Variants in NBEAL1 observed in about 807,000 individuals in gnomAD.
NBEAL1 encodes the protein neurobeachin-like protein 1.
Under a neutral mutation model 351.3 loss-of-function variants are expected in NBEAL1, and 273 were observed. That is an observed-to-expected ratio of 0.78 (90% CI 0.70 to 0.86). The LOEUF (loss-of-function observed/expected upper bound fraction) is 0.86, where lower values mean the gene tolerates loss of function less well. Ranked by LOEUF, NBEAL1 falls within the 40% of genes least tolerant of loss-of-function variation. The pLI, the probability that NBEAL1 is intolerant of heterozygous loss-of-function variation, is 0.00. For missense variants in NBEAL1, 2,961 were observed against 3,201.3 expected, an observed-to-expected ratio of 0.92 and a Z score of 1.81; for synonymous variants, 1,050 against 1,086.4, an observed-to-expected ratio of 0.97 and a Z score of 0.66.
chr2:203,018,943 T>A (rs77073634), intron 2 of NBEAL1, among the ~76,000 whole-genome samples: 5,380 of 152,272 alleles, frequency 0.035, 304 homozygotes, highest in African/African-American at 0.12. Flanking sequence ...ATATTCGTAT[T>A]TTCCCACTGT....
At chr2:203,108,259 A>G in intron 14 of NBEAL1, 71 bp downstream of exon 14, 1 of 1,203,332 alleles carries the variant, frequency 8.3e-7, no homozygotes, top group Admixed American at 2.7e-5. Flanking sequence ...TTAAACAGGA[A>G]AACTGTTTCC....
At chr2:203,039,160 T>A (rs1181667763) in intron 2 of NBEAL1, among the ~76,000 whole-genome samples, 2 of 148,130 alleles carry the variant, frequency 1.4e-5, no homozygotes, top group African/African-American at 4.9e-5. Flanking sequence ...TGTCTTGTCT[T>A]GTCCTGTCTT....
At chr2:203,110,317 A>G in intron 15 of NBEAL1, 35 bp downstream of exon 15, 2 of 1,519,304 alleles carry the variant, frequency 1.3e-6, no homozygotes, top group Non-Finnish European at 1.8e-6. Flanking sequence ...AACTTCTAGT[A>G]TGGTTAATGG....
intron 55 of NBEAL1, among the ~76,000 whole-genome samples, chr2:203,214,379 G>A (rs1356816010): frequency 6.6e-6 from 1 of 152,136 alleles, no homozygotes; most frequent in Non-Finnish European, 1.5e-5. Flanking sequence ...ATAATAACCT[G>A]TTAAAGATCG....
intron 6 of NBEAL1, among the ~76,000 whole-genome samples, chr2:203,060,748 C>T (rs1195359962): frequency 2.6e-5 from 4 of 152,224 alleles, no homozygotes; most frequent in African/African-American, 4.8e-5. Flanking sequence ...ATTCCACTTA[C>T]GTGCATTTGT....
At position 203,056,456 on chromosome 2, in the gene NBEAL1, C is replaced by CT; in HGVS notation, c.337dup (p.Cys113LeufsTer5). The CT allele has an allele frequency of 6.5e-7, 1 of 1,549,884 alleles. No homozygotes were observed. The highest frequency in any genetic ancestry group is 8.7e-7 in the Non-Finnish European group (1 of 1,143,872). ...CTATCAAATGTGGAAGAAATTGGGA[C>CT]TTGCTCGTACATTAATTATGTCATC... On this transcript the variant is annotated frameshift_variant, in exon 5 of 56. Transcript: ENST00000683969. LOFTEE classifies it high-confidence loss of function.
At chr2:203,090,854 A>T (rs1192476794) in intron 10 of NBEAL1, among the ~76,000 whole-genome samples, 2 of 152,114 alleles carry the variant, frequency 1.3e-5, no homozygotes, top group South Asian at 4.2e-4. Context: ...ACACCACTGC[A>T]CTCCAGCCTG....
intron 9 of NBEAL1, 49 bp downstream of exon 9, chr2:203,083,574 A>ACCTTGATCTTTTTTACTGTG: frequency 7.3e-7 from 1 of 1,364,618 alleles, no homozygotes; most frequent in Non-Finnish European, 9.8e-7. Context: ...TTTTATTTTC[A>ACCTTGATCTTTTTTACTGTG]TATCTACCAC....
At chr2:203,168,885 C>T (rs2064225356) in intron 38 of NBEAL1, among the ~76,000 whole-genome samples, 1 of 102,886 alleles carries the variant, frequency 9.7e-6, no homozygotes, top group Non-Finnish European at 1.9e-5. Flanking sequence ...CAGAGCGAGA[C>T]TCCATCTCAA....
rs576567287 is a variant in NBEAL1, at chr2:203,139,834, T to C, written c.4848+1086T>C. ...TGCCCACCTCAGCCTTCCAAAGTGC[T>C]GGATTACAGGTGTGAACCACTGCCC... On this transcript the variant is annotated intron_variant, in intron 31 of 55. Transcript: ENST00000683969. Among the ~76,000 whole-genome samples the C allele has an allele frequency of 3.2e-4, 49 of 152,024 alleles. 1 individual carries two copies. In the South Asian group the frequency reaches 0.01, roughly 32 times the overall value.
chr2:203,137,320 G>A (rs1236540059), intron 29 of NBEAL1, among the ~76,000 whole-genome samples: 4 of 152,150 alleles, frequency 2.6e-5, no homozygotes, highest in South Asian at 2.1e-4. Context: ...AAAACATATC[G>A]TTAAAATATC....
At position 203,157,765 on chromosome 2, in the gene NBEAL1, G is replaced by A. The variant is rs751537773; in HGVS notation, c.5654G>A (p.Ser1885Asn). Residue 1885 changes from serine to asparagine, a missense_variant, in exon 36 of 56, where the codon AGT (serine) becomes AAT (asparagine). Physicochemically the swap from Ser to Asn is conservative, Grantham distance 46. Coordinates refer to ENST00000683969, the MANE Select transcript of NBEAL1 (RefSeq NM_001378026.1). The stretch of plus-strand genomic sequence containing the variant: ...GAAGTAGTGAAACAAGTAAAAGTTA[G>A]TGATATGGTGGAGGATAAATTAGAC... ...LLEVVKQVKV[S>N]DMVEDKLDLP... The A allele has an allele frequency of 7.5e-6, 12 of 1,596,346 alleles. No individual in the cohort carries two copies. The highest frequency in any genetic ancestry group is 1.1e-5 in the South Asian group (1 of 87,808).
chr2:203,095,891 G>A (rs1348790861), intron 10 of NBEAL1, among the ~76,000 whole-genome samples: 1 of 152,046 alleles, frequency 6.6e-6, no homozygotes, highest in Non-Finnish European at 1.5e-5. Flanking sequence ...TCCTGCCTCA[G>A]CCTCCCAAGT....
intron 31 of NBEAL1, among the ~76,000 whole-genome samples, chr2:203,139,035 T>A (rs780279238): frequency 1.8e-4 from 28 of 152,200 alleles, no homozygotes; most frequent in Non-Finnish European, 3.7e-4. Context: ...ACTACTCAGG[T>A]GCTAGGTAGC....
rs1223681875 is a variant in NBEAL1, at chr2:203,180,494, T to A, written c.6577T>A (p.Phe2193Ile). The stretch of plus-strand genomic sequence containing the variant: ...TCCTGAATTCTTCTATTTCCCAGAG[T>A]TTTTGGAAAATCAAAATCGTAAGAA... ...LIPEFFYFPE[F>I]LENQNQFNLG... The change falls in exon 43 of 56, where the codon TTT becomes ATT. Residue 2193 changes from phenylalanine to isoleucine, a missense_variant. Physicochemically the swap from Phe to Ile is conservative, Grantham distance 21. Coordinates refer to ENST00000683969, the MANE Select transcript of NBEAL1 (RefSeq NM_001378026.1). The A allele has an allele frequency of 6.2e-7, 1 of 1,609,206 alleles. No homozygotes were observed.
chr2:203,049,033 G>A (rs974030439), intron 3 of NBEAL1, among the ~76,000 whole-genome samples: 7 of 151,298 alleles, frequency 4.6e-5, no homozygotes, highest in Admixed American at 4.6e-4. Flanking sequence ...TTGAGACAGA[G>A]TCTCACTCTG....
intron 36 of NBEAL1, among the ~76,000 whole-genome samples, 154 bp from the exon 37 acceptor site, chr2:203,165,995 C>G (rs372938736): frequency 5.9e-5 from 9 of 151,868 alleles, no homozygotes; most frequent in African/African-American, 2.2e-4. Flanking sequence ...GTGATTGAGC[C>G]GACATTGTGC....
chr2:203,028,779 A>G (rs1393291805), intron 2 of NBEAL1, among the ~76,000 whole-genome samples: 5 of 151,960 alleles, frequency 3.3e-5, no homozygotes, highest in African/African-American at 4.8e-5. Flanking sequence ...CTTGAATTTT[A>G]TATTTTCCTA....
intron 8 of NBEAL1, among the ~76,000 whole-genome samples, chr2:203,081,239 C>G (rs1266739271): frequency 6.6e-6 from 1 of 152,098 alleles, no homozygotes; most frequent in African/African-American, 2.4e-5. Flanking sequence ...TTTCCTTTCC[C>G]AAAGCATCAT....
Sources: allele counts gnomAD v4.1 joint callset (sites outside exome capture counted in the v4.1 genomes callset), GRCh38; gene constraint gnomAD v4.1.1; transcripts MANE v1.5; gene names NCBI Gene and HGNC (gene_info 2026-07-23, HGNC 2026-07-21).